Variants in PDE7B observed in about 807,000 individuals in gnomAD.
PDE7B encodes the protein 3',5'-cyclic-AMP phosphodiesterase 7B.
A neutral mutation model predicts 56.2 loss-of-function variants in PDE7B; 29 were observed. The observed-to-expected ratio is 0.52, with a 90% CI of 0.38 to 0.70. PDE7B has a LOEUF of 0.70. Ranked by LOEUF, PDE7B falls within the 30% of genes least tolerant of loss-of-function variation. The probability of loss-of-function intolerance (pLI) is 0.00; values close to 1 mark genes in which losing one functional copy is unlikely to be tolerated. For missense variants in PDE7B, 490 were observed against 565.0 expected, an observed-to-expected ratio of 0.87 and a Z score of 1.35; for synonymous variants, 197 against 196.9, an observed-to-expected ratio of 1.00 and a Z score of 0.00.
At chr6:136,132,387 C>T (rs1778132918) in intron 3 of PDE7B, among the ~76,000 whole-genome samples, 1 of 152,058 alleles carries the variant, frequency 6.6e-6, no homozygotes, top group Non-Finnish European at 1.5e-5. Context: ...ACTCTTTGCC[C>T]TTTCCTGTAA....
At chr6:136,090,210 A>G (rs1230416781) in intron 2 of PDE7B, among the ~76,000 whole-genome samples, 1 of 152,152 alleles carries the variant, frequency 6.6e-6, no homozygotes, top group Non-Finnish European at 1.5e-5. Context: ...TCACGTGGCT[A>G]TGAGAAAGGC....
At chr6:136,063,790 A>C (rs1039146005) in intron 2 of PDE7B, among the ~76,000 whole-genome samples, 6 of 152,174 alleles carry the variant, frequency 3.9e-5, no homozygotes, top group Non-Finnish European at 7.3e-5. Flanking sequence ...CTCCCTAGAC[A>C]TTCAAAACCT....
At position 135,953,187 on chromosome 6, in the gene PDE7B, T is replaced by C. The variant is rs145789935; in HGVS notation, c.82+5663T>C. On this transcript the variant is annotated intron_variant, in intron 2 of 12. Coordinates refer to ENST00000308191, the MANE Select transcript of PDE7B (RefSeq NM_018945.4). ...AATGTTTTTTTCACTTTTTTGGAAC[T>C]TTGTCAGCTAATAAAGTTGGGAGTT... 4.2e-4 allele frequency among the ~76,000 whole-genome samples: 64 copies of C among 151,978 alleles called. 2 individuals are homozygous for C. The Middle Eastern group carries it at 0.01, about 24-fold the overall frequency.
chr6:135,994,746 G>A (rs17065190), intron 2 of PDE7B, among the ~76,000 whole-genome samples: 12,426 of 152,158 alleles, frequency 0.082, 840 homozygotes, highest in African/African-American at 0.18. Context: ...TAAAGAATAA[G>A]ATAGCAACTC....
At chr6:135,987,855 A>T (rs1355484475) in intron 2 of PDE7B, among the ~76,000 whole-genome samples, 1 of 152,186 alleles carries the variant, frequency 6.6e-6, no homozygotes, top group Non-Finnish European at 1.5e-5. Context: ...ACACACACAC[A>T]TATATAATCA....
rs553297832 is a variant in PDE7B, at chr6:136,170,077, C to T, written c.712-3720C>T. On this transcript the variant is annotated intron_variant, in intron 8 of 12. Transcript: ENST00000308191. ...GTTTTAGAATCAAGAATAGTTGCAG[C>T]TTTCCTGACTTGTGTTTTCCTAATG... Among the ~76,000 whole-genome samples the T allele has an allele frequency of 3.3e-5, 5 of 152,246 alleles. 1 individual carries two copies. Among genetic ancestry groups the T allele is most frequent in the African/African-American group, 1.2e-4 (5 of 41,560 alleles).
intron 2 of PDE7B, among the ~76,000 whole-genome samples, chr6:136,006,320 C>T (rs889511573): frequency 6.6e-6 from 1 of 151,818 alleles, no homozygotes; most frequent in South Asian, 2.1e-4. Context: ...CTAACCTGTA[C>T]ATTGTGCACA....
chr6:136,058,177 A>G (rs1008418772), intron 2 of PDE7B, among the ~76,000 whole-genome samples: 5 of 152,192 alleles, frequency 3.3e-5, no homozygotes, highest in Admixed American at 1.3e-4. Context: ...GGGGAACTCA[A>G]AAATCAGGGG....
chr6:136,131,297 T>C (rs1177674868), intron 3 of PDE7B, among the ~76,000 whole-genome samples: 1 of 152,060 alleles, frequency 6.6e-6, no homozygotes, highest in Non-Finnish European at 1.5e-5. Flanking sequence ...AAAAGACATA[T>C]GTGTTTTCTA....
Position 136,193,146 on chromosome 6 carries a change from G to A in PDE7B, c.*1306G>A, listed in dbSNP as rs1042269795. The A allele has an allele frequency of 7.9e-5, 12 of 152,626 alleles. 1 individual carries two copies. The highest frequency in any genetic ancestry group is 2.9e-4 in the African/African-American group (12 of 41,436). The allele number at this position is 152,626 out of a possible 1,614,324, so 9.5% of individuals were successfully genotyped here. A position where few individuals can be genotyped will look rare whatever the true frequency, so the allele number is the denominator to read the frequency against. ...ATCATGGCGGTGCGTCAGCCTCACA[G>A]GAGACATAGCAGGTCTCAGAAACCT... On this transcript the variant is annotated 3_prime_UTR_variant, in exon 13 of 13. Transcript: ENST00000308191.
intron 8 of PDE7B, among the ~76,000 whole-genome samples, chr6:136,161,001 AAGATAT>A (rs1328900917): frequency 6.6e-6 from 1 of 152,176 alleles, no homozygotes; most frequent in Admixed American, 6.5e-5. Context: ...AAACAAGATA[AAGATAT>A]AAAGTATCCC....
At chr6:136,120,865 T>C (rs945627061) in intron 3 of PDE7B, among the ~76,000 whole-genome samples, 1 of 152,160 alleles carries the variant, frequency 6.6e-6, no homozygotes, top group Admixed American at 6.5e-5. Context: ...GTCTTTACCA[T>C]TGTTTTCAGC....
intron 2 of PDE7B, among the ~76,000 whole-genome samples, chr6:135,963,297 G>A (rs1562453957): frequency 6.6e-6 from 1 of 152,140 alleles, no homozygotes; most frequent in Non-Finnish European, 1.5e-5. Flanking sequence ...CCAAGTTCAA[G>A]ATCTCTATTT....
At chr6:136,165,176 G>T (rs1230038669) in intron 8 of PDE7B, among the ~76,000 whole-genome samples, 3 of 152,200 alleles carry the variant, frequency 2.0e-5, no homozygotes, top group Non-Finnish European at 4.4e-5. Context: ...TTTCCTGTGG[G>T]TGTAGAAGGT....
intron 2 of PDE7B, 91 bp downstream of exon 2, chr6:135,947,615 T>A: frequency 1.1e-6 from 1 of 912,890 alleles, no homozygotes; most frequent in South Asian, 1.4e-5. Context: ...TCTCATTCTG[T>A]TTTGAAGAGG....
At chr6:135,853,981 G>C (rs1462178744) in intron 1 of PDE7B, among the ~76,000 whole-genome samples, 1 of 151,940 alleles carries the variant, frequency 6.6e-6, no homozygotes, top group African/African-American at 2.4e-5. Flanking sequence ...AAGCACTTTT[G>C]GTGTCAGTCC....
At chr6:135,923,978 A>G (rs547519575) in intron 1 of PDE7B, among the ~76,000 whole-genome samples, 16 of 152,182 alleles carry the variant, frequency 1.1e-4, no homozygotes, top group Non-Finnish European at 1.8e-4. Flanking sequence ...CTAGTAATCT[A>G]AGAAATCTAA....
At chr6:136,169,072 ACTAGCTC>A (rs1160048975) in intron 8 of PDE7B, among the ~76,000 whole-genome samples, 1 of 152,128 alleles carries the variant, frequency 6.6e-6, no homozygotes, top group Admixed American at 6.5e-5. Flanking sequence ...TCAGCTACTC[ACTAGCTC>A]TGTGGCCTCC....
chr6:136,125,602 A>AT (rs1490260358), intron 3 of PDE7B, among the ~76,000 whole-genome samples: 2 of 151,998 alleles, frequency 1.3e-5, no homozygotes, highest in African/African-American at 4.8e-5. Context: ...ATACATATAT[A>AT]TATATAGGTA....
Sources: allele counts gnomAD v4.1 joint callset (sites outside exome capture counted in the v4.1 genomes callset), GRCh38; gene constraint gnomAD v4.1.1; transcripts MANE v1.5; gene names NCBI Gene and HGNC (gene_info 2026-07-23, HGNC 2026-07-21).